PCDHGA10: variants seen among roughly 807,000 people sequenced by gnomAD.
PCDHGA10 encodes protocadherin gamma-A10.
PCDHGA10 carries 42 observed loss-of-function variants against 59.5 expected under a neutral mutation model. That is an observed-to-expected ratio of 0.71 (90% CI 0.55 to 0.91). The LOEUF (loss-of-function observed/expected upper bound fraction) is 0.91. Ranked by LOEUF, PCDHGA10 falls within the 40% of genes least tolerant of loss-of-function variation. The pLI, the probability that PCDHGA10 is intolerant of heterozygous loss-of-function variation, is 0.00. For synonymous variants in PCDHGA10, 511 were observed against 517.2 expected (o/e 0.99, Z 0.16); for missense variants, 1,111 against 1,198.2 (o/e 0.93, Z 1.07).
Position 141,485,274 on chromosome 5 carries a change from C to A in PCDHGA10, c.2437-9533C>A. 1 of 1,614,106 alleles carries A rather than the reference C, an allele frequency of 6.2e-7. No homozygotes were observed. The highest frequency in any genetic ancestry group is 1.3e-5 in the African/African-American group (1 of 75,036). ...TACGTTTGTGGGCAGATCCGCTACC[C>A]GGTCCCAGAGGAGTCACAGGAAGGG... On this transcript the variant is annotated intron_variant, in intron 1 of 3. Transcript: ENST00000398610. The surrounding 1 kb of genome is among the most constrained non-coding windows in gnomAD (Gnocchi z 5.7).
chr5:141,419,177 C>T (rs1223789288), intron 1 of PCDHGA10: 8 of 1,613,862 alleles, frequency 5.0e-6, no homozygotes, highest in Admixed American at 1.7e-5. Flanking sequence ...AACCATAACC[C>T]TGCACATTAC....
chr5:141,471,618 A>C (rs1421854064), intron 1 of PCDHGA10: 1 of 152,218 alleles, frequency 6.6e-6, no homozygotes, highest in Non-Finnish European at 1.5e-5. Context: ...TGGGAGTAGT[A>C]AGCATTGGTA....
At chr5:141,418,836 C>T (rs2096292464) in intron 1 of PCDHGA10, 1 of 1,613,984 alleles carries the variant, frequency 6.2e-7, no homozygotes, top group Non-Finnish European at 8.5e-7. Flanking sequence ...GACCGAGGAT[C>T]TCTCTCAACA....
In PCDHGA10 at chr5:141,495,049, T is replaced by G. The variant is rs543734863; in HGVS notation, c.2495+184T>G. ...CCCCGGAAGGAAGAGGCGACTGCCC[T>G]GACTGTTCAGGAAGCTCAATTCACA... On this transcript the variant is annotated intron_variant, in intron 2 of 3. Coordinates refer to ENST00000398610, the MANE Select transcript of PCDHGA10 (RefSeq NM_018913.3). Among the ~76,000 whole-genome samples the G allele has an allele frequency of 5.6e-4, 86 of 152,312 alleles. 1 individual carries two copies. Among genetic ancestry groups the G allele is most frequent in the African/African-American group, 1.6e-3 (65 of 41,578 alleles).
At chr5:141,418,665 A>T in intron 1 of PCDHGA10, 1 of 1,614,070 alleles carries the variant, frequency 6.2e-7, no homozygotes, top group Non-Finnish European at 8.5e-7. Context: ...GCCACTGACC[A>T]GGACGAGGGC....
At chr5:141,424,078 T>C in intron 1 of PCDHGA10, 1 of 975,828 alleles carries the variant, frequency 1.0e-6, no homozygotes, top group South Asian at 4.8e-5. Context: ...GTAGTTATAT[T>C]CCACCATTAT....
At position 141,491,660 on chromosome 5, in the gene PCDHGA10, C is replaced by A; in HGVS notation, c.2437-3147C>A. ...ACAGCTCTGGCGCTGGAGCCTGACGCCATCCGGTCCCGCTCTAATACGCTG... is the reference window on the plus strand; with the variant it reads ...ACAGCTCTGGCGCTGGAGCCTGACGACATCCGGTCCCGCTCTAATACGCTG... On this transcript the variant is annotated intron_variant, in intron 1 of 3. Transcript: ENST00000398610. The surrounding 1 kb of genome is among the most constrained non-coding windows in gnomAD (Gnocchi z 6.9). The A allele has an allele frequency of 6.2e-7, 1 of 1,613,810 alleles. No individual in the cohort carries two copies. The highest frequency in any genetic ancestry group is 8.5e-7 in the Non-Finnish European group (1 of 1,180,008).
Position 141,477,872 on chromosome 5 carries a change from G to A in PCDHGA10, c.2437-16935G>A. The stretch of plus-strand genomic sequence containing the variant: ...GGAGATGCTGCCTCGAGGTACCTCA[G>A]CTGGCCACCTAGTGTCACGGGTGGT... On this transcript the variant is annotated intron_variant, in intron 1 of 3. Coordinates refer to ENST00000398610, the MANE Select transcript of PCDHGA10 (RefSeq NM_018913.3). This position sits in a 1 kb window ranked among gnomAD's most constrained non-coding sequence, Gnocchi z 4.9. The A allele has an allele frequency of 6.2e-7, 1 of 1,614,180 alleles. No individual in the cohort carries two copies. Among genetic ancestry groups the A allele is most frequent in the African/African-American group, 1.3e-5 (1 of 75,058 alleles).
chr5:141,497,626 G>T (rs1373764805), intron 2 of PCDHGA10, among the ~76,000 whole-genome samples: 3 of 149,502 alleles, frequency 2.0e-5, no homozygotes, highest in Non-Finnish European at 4.4e-5. Flanking sequence ...TGCAACCTCT[G>T]CCTGCCAGGT....
Position 141,414,890 on chromosome 5 carries a change from C to T in PCDHGA10, c.1715C>T (p.Pro572Leu). ...CCCGAGATCCTGTACCCCGCCCTCC[C>T]CACAGACGGTTCCACAGGCGTGGAG... Reference protein sequence around the residue: ...NAPEILYPALPTDGSTGVELA... With the variant: ...NAPEILYPALLTDGSTGVELA... Residue 572 changes from proline to leucine, a missense_variant, in exon 1 of 4, where the codon CCC becomes CTC. Transcript: ENST00000398610. 5 of 1,614,232 alleles carry T rather than the reference C, an allele frequency of 3.1e-6. No individual in the cohort carries two copies. Among genetic ancestry groups the T allele is most frequent in the Non-Finnish European group, 4.2e-6 (5 of 1,180,046 alleles).
chr5:141,468,419 G>A (rs1733006381), intron 1 of PCDHGA10: 1 of 151,826 alleles, frequency 6.6e-6, no homozygotes, highest in Admixed American at 6.6e-5. Flanking sequence ...AAGTTAGATA[G>A]CAAGGTAATA....
Position 141,485,092 on chromosome 5 carries a change from G to C in PCDHGA10, c.2437-9715G>C, listed in dbSNP as rs2099606725. 3.8e-6 allele frequency: 4 copies of C among 1,065,492 alleles called. No homozygotes were observed. Among genetic ancestry groups the C allele is most frequent in the Non-Finnish European group, 5.6e-6 (4 of 708,358 alleles). The allele number at this position is 1,065,492 out of a possible 1,614,324, so 66.0% of individuals were successfully genotyped here. A position where few individuals can be genotyped will look rare whatever the true frequency, so the allele number is the denominator to read the frequency against. Reference sequence around the variant, plus strand: ...CTGGCGCGGGGAAAGGGAGATAGGTGTCTCCAGCTGCTGTGGCTGTTTGGG... The same window carrying C: ...CTGGCGCGGGGAAAGGGAGATAGGTCTCTCCAGCTGCTGTGGCTGTTTGGG... On this transcript the variant is annotated intron_variant, in intron 1 of 3. Coordinates refer to ENST00000398610, the MANE Select transcript of PCDHGA10 (RefSeq NM_018913.3). This position sits in a 1 kb window ranked among gnomAD's most constrained non-coding sequence, Gnocchi z 5.7.
chr5:141,490,004 C>A lies in PCDHGA10; in HGVS notation c.2437-4803C>A. The A allele has an allele frequency of 6.2e-7, 1 of 1,614,174 alleles. No homozygotes were observed. The highest frequency in any genetic ancestry group is 1.7e-5 in the Admixed American group (1 of 60,034). On this transcript the variant is annotated intron_variant, in intron 1 of 3. Transcript: ENST00000398610. The surrounding 1 kb of genome is among the most constrained non-coding windows in gnomAD (Gnocchi z 5.4). ...CTACGTGTGGGAATCCCAGAGAATGCACCCATTGGTACTCTGCTGCTCCGC... is the reference window on the plus strand; with the variant it reads ...CTACGTGTGGGAATCCCAGAGAATGAACCCATTGGTACTCTGCTGCTCCGC...
At chr5:141,475,828 C>T (rs1319658902) in intron 1 of PCDHGA10, 1 of 387,614 alleles carries the variant, frequency 2.6e-6, no homozygotes, top group Admixed American at 4.3e-5. Context: ...GGCGCTAGCG[C>T]GTGTCCTGCT....
chr5:141,458,018 A>G (rs1361716104), intron 1 of PCDHGA10, among the ~76,000 whole-genome samples: 1 of 152,188 alleles, frequency 6.6e-6, no homozygotes, highest in Admixed American at 6.5e-5. Flanking sequence ...GGTTTTTCCA[A>G]TTGTGTTCTG....
intron 1 of PCDHGA10, chr5:141,420,154 T>C (rs2096470856): frequency 2.5e-6 from 4 of 1,613,948 alleles, no homozygotes; most frequent in Non-Finnish European, 2.5e-6. Flanking sequence ...ATCCAGAATT[T>C]AATTTTTTCA....
intron 1 of PCDHGA10, among the ~76,000 whole-genome samples, chr5:141,488,534 A>C (rs1169478867): frequency 1.3e-5 from 2 of 152,292 alleles, no homozygotes; most frequent in East Asian, 3.9e-4. Flanking sequence ...AGAAAAGCTA[A>C]GTCCCATGTC....
Position 141,432,292 on chromosome 5 carries a change from T to C in PCDHGA10, c.2436+16681T>C, listed in dbSNP as rs1339412798. 2 of 1,614,078 alleles carry C rather than the reference T, an allele frequency of 1.2e-6. No individual in the cohort carries two copies. The highest frequency in any genetic ancestry group is 2.2e-5 in the East Asian group (1 of 44,888). On this transcript the variant is annotated intron_variant, in intron 1 of 3. Coordinates refer to ENST00000398610, the MANE Select transcript of PCDHGA10 (RefSeq NM_018913.3). The surrounding 1 kb of genome is among the most constrained non-coding windows in gnomAD (Gnocchi z 6.0). ...CCTACGTGTCCATCAACTCCGACAC[T>C]GGGGTACTGTATGCGCTGAGCTCCT...
intron 1 of PCDHGA10, chr5:141,427,884 G>T (rs1346875505): frequency 5.1e-6 from 8 of 1,564,634 alleles, no homozygotes; most frequent in African/African-American, 2.7e-5. Flanking sequence ...GCAGGCCCAC[G>T]ACCAGGGCTC....
Sources: allele counts gnomAD v4.1 joint callset (sites outside exome capture counted in the v4.1 genomes callset), GRCh38; gene constraint gnomAD v4.1.1; non-coding constraint Gnocchi (gnomAD v3.1); transcripts MANE v1.5; gene names NCBI Gene and HGNC (gene_info 2026-07-23, HGNC 2026-07-21).